SLC25A12: variants seen among roughly 807,000 people sequenced by gnomAD.
SLC25A12 encodes solute carrier family 25 member 12, also known as electrogenic aspartate/glutamate antiporter SLC25A12, mitochondrial.
In SLC25A12, 32 loss-of-function variants were observed where a neutral mutation model predicts 83.3. That is an observed-to-expected ratio of 0.38 (90% CI 0.29 to 0.52). The LOEUF is 0.52. SLC25A12 is among the 20% of genes least tolerant of loss of function. SLC25A12 has a pLI of 0.84. For synonymous variants in SLC25A12, 267 were observed against 291.1 expected (o/e 0.92, Z 0.84); for missense variants, 611 against 835.6 (o/e 0.73, Z 3.31).
chr2:171,875,067 TGATTGGTTGCTTTCC>T (rs976883714), intron 2 of SLC25A12, among the ~76,000 whole-genome samples: 6 of 152,200 alleles, frequency 3.9e-5, no homozygotes, highest in Admixed American at 3.9e-4. Flanking sequence ...CCTTAGCCTC[TGATTGGTTGCTTTCC>T]GCAACCAATC....
intron 12 of SLC25A12, 109 bp from the exon 13 acceptor site, chr2:171,809,795 A>G: frequency 1.2e-6 from 1 of 813,068 alleles, no homozygotes. Flanking sequence ...AAAATTTAAA[A>G]TTATCAAATG....
At chr2:171,865,177 T>C (rs1685259941) in intron 3 of SLC25A12, among the ~76,000 whole-genome samples, 1 of 152,160 alleles carries the variant, frequency 6.6e-6, no homozygotes, top group South Asian at 2.1e-4. Context: ...ACCTATTGAA[T>C]GAATGGAAGA....
Position 171,784,707 on chromosome 2 carries a change from C to T in SLC25A12, c.*567G>A, listed in dbSNP as rs1690454978. 5.6e-6 allele frequency: 1 copy of T among 177,730 alleles called. No individual in the cohort carries two copies. The highest frequency in any genetic ancestry group is 2.4e-5 in the African/African-American group (1 of 41,808). The allele number at this position is 177,730 out of a possible 1,614,324, so 11.0% of individuals were successfully genotyped here. A position where few individuals can be genotyped will look rare whatever the true frequency, so the allele number is the denominator to read the frequency against. On this transcript the variant is annotated 3_prime_UTR_variant, in exon 18 of 18. Transcript: ENST00000422440. ...TATCACTTATTCAGTGGTAGCAGCA[C>T]TATGTCTCGTTATGCCTTTTATCAG... is the stretch of plus-strand genomic sequence containing the variant.
At chr2:171,818,232 TAAG>T (rs1432341861) in intron 9 of SLC25A12, among the ~76,000 whole-genome samples, 2 of 152,082 alleles carry the variant, frequency 1.3e-5, no homozygotes, top group Non-Finnish European at 2.9e-5. Context: ...CACTCAGCAC[TAAG>T]AAGATTGCCT....
intron 8 of SLC25A12, among the ~76,000 whole-genome samples, chr2:171,830,711 C>T (rs1285606514): frequency 1.3e-5 from 2 of 152,118 alleles, no homozygotes; most frequent in African/African-American, 2.4e-5. Context: ...GACGGGGTTT[C>T]ACTATGTTGG....
intron 9 of SLC25A12, among the ~76,000 whole-genome samples, chr2:171,819,456 T>TTA (rs72309128): frequency 0.77 from 96,891 of 125,922 alleles, 38,269 homozygotes; most frequent in East Asian, 0.89. Flanking sequence ...ATAATACTTA[T>TTA]TATATATTAT....
chr2:171,804,425 A>G (rs902156498), intron 13 of SLC25A12, among the ~76,000 whole-genome samples: 9 of 151,690 alleles, frequency 5.9e-5, no homozygotes, highest in African/African-American at 2.2e-4. Flanking sequence ...CGCCTGGCTA[A>G]TTTTTGCATT....
intron 3 of SLC25A12, among the ~76,000 whole-genome samples, chr2:171,857,014 GT>G (rs1433214804): frequency 1.3e-5 from 2 of 152,172 alleles, no homozygotes; most frequent in African/African-American, 2.4e-5. Context: ...TTAAAAGTAG[GT>G]GATGAATTCA....
chr2:171,827,532 T>C lies in SLC25A12; in HGVS notation c.846-650A>G, dbSNP rs575551979. ...GCTGAGCCTTCACTTCAGCCTCCGATTGGTTGTGGGCCAAGTCTTCATTTA... is the reference window on the plus strand; with the variant it reads ...GCTGAGCCTTCACTTCAGCCTCCGACTGGTTGTGGGCCAAGTCTTCATTTA... On this transcript the variant is annotated intron_variant, in intron 8 of 17. Transcript: ENST00000422440. Among the ~76,000 whole-genome samples the C allele has an allele frequency of 2.6e-5, 4 of 152,298 alleles. No individual in the cohort carries two copies. In the South Asian group the frequency reaches 6.2e-4, roughly 24 times the overall value.
chr2:171,829,878 T>C (rs1684393311), intron 8 of SLC25A12, among the ~76,000 whole-genome samples: 1 of 152,172 alleles, frequency 6.6e-6, no homozygotes, highest in Non-Finnish European at 1.5e-5. Context: ...AGACACAGTC[T>C]CCGCTACTGA....
At chr2:171,850,741 G>C (rs984875588) in intron 4 of SLC25A12, among the ~76,000 whole-genome samples, 1 of 151,800 alleles carries the variant, frequency 6.6e-6, no homozygotes, top group Non-Finnish European at 1.5e-5. Context: ...GATTACAGGC[G>C]TGAGCCACTG....
chr2:171,846,884 C>A (rs1229015008), intron 4 of SLC25A12, among the ~76,000 whole-genome samples: 1 of 152,136 alleles, frequency 6.6e-6, no homozygotes, highest in Non-Finnish European at 1.5e-5. Flanking sequence ...TGGAAAATAT[C>A]TCTGTAATAA....
chr2:171,803,582 CAGTA>C (rs1365192021), intron 13 of SLC25A12, among the ~76,000 whole-genome samples: 1 of 152,160 alleles, frequency 6.6e-6, no homozygotes, highest in Non-Finnish European at 1.5e-5. Flanking sequence ...ACTTTTCACT[CAGTA>C]AGATGGCTAT....
intron 13 of SLC25A12, among the ~76,000 whole-genome samples, chr2:171,795,403 T>A (rs1683578179): frequency 6.6e-6 from 1 of 152,216 alleles, no homozygotes; most frequent in African/African-American, 2.4e-5. Context: ...TCAAAAGGAT[T>A]GCTGCATGAA....
intron 4 of SLC25A12, among the ~76,000 whole-genome samples, chr2:171,846,484 C>G (rs533823914): frequency 6.6e-6 from 1 of 152,086 alleles, no homozygotes; most frequent in East Asian, 1.9e-4. Flanking sequence ...AATGCAAAAG[C>G]GTTCAAGCTA....
At chr2:171,846,936 T>C (rs1684809297) in intron 4 of SLC25A12, among the ~76,000 whole-genome samples, 1 of 152,244 alleles carries the variant, frequency 6.6e-6, no homozygotes, top group Non-Finnish European at 1.5e-5. Flanking sequence ...TAGCCATCTC[T>C]AAATAAGATC....
intron 13 of SLC25A12, among the ~76,000 whole-genome samples, chr2:171,799,648 G>C (rs1683668809): frequency 1.3e-5 from 2 of 152,162 alleles, no homozygotes; most frequent in African/African-American, 4.8e-5. Context: ...TTCTAGGTTT[G>C]GAAGACTACT....
chr2:171,792,987 T>C (rs993391156), intron 14 of SLC25A12, among the ~76,000 whole-genome samples: 3 of 152,212 alleles, frequency 2.0e-5, no homozygotes, highest in Non-Finnish European at 4.4e-5. Context: ...GAAAGAAATA[T>C]TCTTCCTTGT....
chr2:171,873,013 C>T (rs146396145), intron 2 of SLC25A12, among the ~76,000 whole-genome samples: 1 of 151,998 alleles, frequency 6.6e-6, no homozygotes, highest in Non-Finnish European at 1.5e-5. Flanking sequence ...CTTTATTCTG[C>T]GAGCTGTGGG....
Sources: gnomAD v4.1 joint callset for allele counts (sites outside exome capture counted in the v4.1 genomes callset) on GRCh38, gnomAD v4.1.1 for gene constraint, MANE v1.5 for transcripts, NCBI Gene and HGNC (gene_info 2026-07-23, HGNC 2026-07-21) for gene names.